Variants in MED13L observed in about 807,000 individuals in gnomAD.
The protein encoded by MED13L is mediator of RNA polymerase II transcription subunit 13-like.
A neutral mutation model predicts 220.9 loss-of-function variants in MED13L; 7 were observed. The observed-to-expected ratio is 0.03, with a 90% confidence interval of 0.02 to 0.06. The LOEUF is 0.06. MED13L is among the 10% of genes least tolerant of loss of function. The pLI, the probability that MED13L is intolerant of heterozygous loss-of-function variation, is 1.00. For missense variants in MED13L, 1,965 were observed against 2,760.5 expected (o/e 0.71, Z 6.46); for synonymous variants, 1,011 against 1,015.2 (o/e 1.00, Z 0.08).
intron 1 of MED13L, among the ~76,000 whole-genome samples, chr12:116,252,576 G>C (rs1871649677): frequency 6.6e-6 from 1 of 151,800 alleles, no homozygotes; most frequent in Admixed American, 6.6e-5. Context: ...AGTGATCTAA[G>C]CATCTACCCT....
At chr12:115,965,854 C>T (rs1399739640) in intron 29 of MED13L, among the ~76,000 whole-genome samples, 4 of 152,128 alleles carry the variant, frequency 2.6e-5, no homozygotes, top group Admixed American at 1.3e-4. Context: ...CCACTGTTTC[C>T]TCCTTGGGCT....
At chr12:116,121,545 G>A (rs1265006713) in intron 2 of MED13L, among the ~76,000 whole-genome samples, 2 of 152,160 alleles carry the variant, frequency 1.3e-5, no homozygotes, top group Non-Finnish European at 2.9e-5. Context: ...ATGGAATAGG[G>A]TAGGGAGGAG....
At chr12:116,096,209 G>T (rs1015872497) in intron 4 of MED13L, among the ~76,000 whole-genome samples, 2 of 151,504 alleles carry the variant, frequency 1.3e-5, no homozygotes, top group South Asian at 4.2e-4. Flanking sequence ...CAAAAAATTA[G>T]CCAGGTGTGG....
chr12:116,066,366 C>T (rs1279528244), intron 4 of MED13L, among the ~76,000 whole-genome samples: 2 of 152,190 alleles, frequency 1.3e-5, no homozygotes, highest in Admixed American at 1.3e-4. Flanking sequence ...TCATTTGTAT[C>T]ACACCTTGTA....
intron 2 of MED13L, among the ~76,000 whole-genome samples, chr12:116,233,037 A>G: frequency 6.6e-6 from 1 of 151,374 alleles, no homozygotes; most frequent in South Asian, 2.1e-4. Flanking sequence ...CAGTGAGCCA[A>G]GATTGCATCA....
chr12:116,027,084 A>G (rs1483566910), intron 4 of MED13L, among the ~76,000 whole-genome samples: 1 of 89,810 alleles, frequency 1.1e-5, no homozygotes, highest in African/African-American at 6.2e-5. Flanking sequence ...CAATTTGCTT[A>G]CAATTTGCAT....
intron 2 of MED13L, among the ~76,000 whole-genome samples, chr12:116,180,379 T>C (rs969724304): frequency 6.6e-6 from 1 of 152,218 alleles, no homozygotes; most frequent in African/African-American, 2.4e-5. Flanking sequence ...CAAAACTGTT[T>C]CATGCATACA....
chr12:116,014,037 AG>A (rs1298935775), intron 8 of MED13L, among the ~76,000 whole-genome samples: 1 of 152,242 alleles, frequency 6.6e-6, no homozygotes, highest in African/African-American at 2.4e-5. Flanking sequence ...ATTATTCTAA[AG>A]GAAAGGACCA....
rs1881441566 is a variant in MED13L at position 116,040,186 on chromosome 12, C to T, written c.480-17585G>A. ...GTTCATTTTAGTAACAGAAGCTTTC[C>T]GTTCAACCTCATGCATAAACACACT... On this transcript the variant is annotated intron_variant, in intron 4 of 30. Transcript: ENST00000281928. Among the ~76,000 whole-genome samples the T allele has an allele frequency of 3.3e-5, 5 of 152,254 alleles. 1 individual carries two copies. The South Asian group carries it at 8.3e-4, about 25-fold the overall frequency.
Position 115,987,100 on chromosome 12 carries a change from A to G in MED13L, c.4114+9T>C. 2.5e-6 allele frequency: 4 copies of G among 1,613,966 alleles called. No individual in the cohort carries two copies. The highest frequency in any genetic ancestry group is 1.1e-5 in the South Asian group (1 of 91,076). The stretch of plus-strand genomic sequence containing the variant: ...TCAGAAGGAATTTTAAACAGGACAA[A>G]GACCCTACCGTAGGTTCCCCGTCCT... On this transcript the variant is annotated intron_variant, in intron 18 of 30. Coordinates refer to ENST00000281928, the MANE Select transcript of MED13L (RefSeq NM_015335.5).
intron 28 of MED13L, among the ~76,000 whole-genome samples, chr12:115,968,053 T>TG (rs1491288278): frequency 4.9e-5 from 2 of 40,628 alleles, no homozygotes; most frequent in African/African-American, 8.6e-5. Context: ...GGAATAAAAG[T>TG]CCCCCCCCCC....
intron 3 of MED13L, among the ~76,000 whole-genome samples, chr12:116,105,032 A>G (rs559058693): frequency 1.3e-5 from 2 of 152,376 alleles, no homozygotes; most frequent in South Asian, 4.1e-4. Context: ...TGAAAAGGAT[A>G]TGGTATATTA....
At chr12:116,142,860 C>A (rs188166492) in intron 2 of MED13L, among the ~76,000 whole-genome samples, 20 of 152,238 alleles carry the variant, frequency 1.3e-4, no homozygotes, top group Admixed American at 1.1e-3. Flanking sequence ...TGGAATTATA[C>A]GTTTAAAATT....
chr12:116,271,405 A>G lies in MED13L; in HGVS notation c.72+5655T>C, dbSNP rs367616196. Reference sequence around the variant, plus strand: ...GGAGATCGAGACCATCCTGGCTAACATGGTGAAACCCCATCTGTACTAAAC... The same window carrying G: ...GGAGATCGAGACCATCCTGGCTAACGTGGTGAAACCCCATCTGTACTAAAC... On this transcript the variant is annotated intron_variant, in intron 1 of 30. Coordinates refer to ENST00000281928, the MANE Select transcript of MED13L (RefSeq NM_015335.5). 1.4e-4 allele frequency among the ~76,000 whole-genome samples: 21 copies of G among 152,228 alleles called. No homozygotes were observed. The South Asian group carries it at 3.3e-3, about 24-fold the overall frequency.
At chr12:116,257,022 C>G (rs1872120455) in intron 1 of MED13L, among the ~76,000 whole-genome samples, 1 of 152,116 alleles carries the variant, frequency 6.6e-6, no homozygotes, top group Non-Finnish European at 1.5e-5. Flanking sequence ...TTGCACATCT[C>G]CTGGTAAGTG....
chr12:116,118,372 CAGT>C (rs1365950278), intron 2 of MED13L, among the ~76,000 whole-genome samples: 1 of 151,874 alleles, frequency 6.6e-6, no homozygotes, highest in Non-Finnish European at 1.5e-5. Flanking sequence ...AAATATAAAT[CAGT>C]AGATAATTTA....
At chr12:116,062,870 T>C (rs115348425) in intron 4 of MED13L, among the ~76,000 whole-genome samples, 42 of 152,348 alleles carry the variant, frequency 2.8e-4, no homozygotes, top group African/African-American at 1.0e-3. Flanking sequence ...CTTCAGACCC[T>C]GGCTGAAAGC....
intron 2 of MED13L, among the ~76,000 whole-genome samples, chr12:116,201,646 T>A (rs1452349249): frequency 2.6e-5 from 4 of 152,132 alleles, no homozygotes; most frequent in Non-Finnish European, 5.9e-5. Context: ...TCTGTACAGG[T>A]GAGCTTTACC....
Position 116,003,107 on chromosome 12 carries a change from G to A in MED13L, c.2470-5C>T, listed in dbSNP as rs1162894958. 6.2e-7 allele frequency: 1 copy of A among 1,612,316 alleles called. No individual in the cohort carries two copies. The highest frequency in any genetic ancestry group is 2.2e-5 in the East Asian group (1 of 44,862). On this transcript the variant is annotated splice_polypyrimidine_tract_variant and splice_region_variant and intron_variant, in intron 13 of 30. Transcript: ENST00000281928. Reference sequence around the variant, plus strand: ...GCGCAGAGCAGGTGATACAGCCTAAGAACAGACGGTGTTATTAAAACAGAG... The same window carrying A: ...GCGCAGAGCAGGTGATACAGCCTAAAAACAGACGGTGTTATTAAAACAGAG...
Sources: gnomAD v4.1 joint callset for allele counts (sites outside exome capture counted in the v4.1 genomes callset) on GRCh38, gnomAD v4.1.1 for gene constraint, MANE v1.5 for transcripts, NCBI Gene and HGNC (gene_info 2026-07-23, HGNC 2026-07-21) for gene names.